CAMTA2: variants seen among roughly 807,000 people sequenced by gnomAD.
The protein encoded by CAMTA2 is calmodulin binding transcription activator 2, also known as calmodulin-binding transcription activator 2.
Under a neutral mutation model 135.7 loss-of-function variants are expected in CAMTA2, and 56 were observed. The observed-to-expected ratio is 0.41, with a 90% confidence interval of 0.33 to 0.52. The LOEUF is 0.52. Among genes scored for constraint, CAMTA2 ranks in the 20% least tolerant of loss-of-function variants. The pLI is 0.16. For synonymous variants in CAMTA2, 591 were observed against 604.6 expected (o/e 0.98, Z 0.33); for missense variants, 1,358 against 1,553.4 (o/e 0.87, Z 2.11).
chr17:4,985,224 AG>A (rs1973197720), intron 3 of CAMTA2, among the ~76,000 whole-genome samples: 1 of 152,200 alleles, frequency 6.6e-6, no homozygotes. Context: ...ATAAACTATG[AG>A]GTAAATCAGT....
chr17:4,974,331 C>G, intron 12 of CAMTA2, 54 bp downstream of exon 12: 1 of 1,130,372 alleles, frequency 8.8e-7, no homozygotes. Flanking sequence ...TTTTCTTTAG[C>G]TGTGTCCTCC....
chr17:4,971,555 G>C (rs1972285353), intron 16 of CAMTA2, among the ~76,000 whole-genome samples: 1 of 151,988 alleles, frequency 6.6e-6, no homozygotes, highest in South Asian at 2.1e-4. Context: ...ATGTTGGCCA[G>C]ACTGGTCTCA....
At chr17:4,979,528 AAG>A (rs1340577918) in intron 9 of CAMTA2, 154 bp downstream of exon 9, 10 of 455,440 alleles carry the variant, frequency 2.2e-5, no homozygotes, top group Admixed American at 7.9e-5. Context: ...AAAAAAAAAA[AAG>A]AGAGAGATTA....
intron 11 of CAMTA2, 93 bp downstream of exon 11, chr17:4,976,965 A>G: frequency 1.6e-6 from 2 of 1,246,068 alleles, no homozygotes; most frequent in Non-Finnish European, 2.2e-6. Flanking sequence ...GTGGGGGCTC[A>G]GTGATGGCCA....
Position 4,981,237 on chromosome 17 carries a change from T to G in CAMTA2, c.688A>C (p.Ser230Arg). Residue 230 changes from serine to arginine, a missense_variant, in exon 8 of 23, where the codon AGT becomes CGT. By Grantham distance (110) the Ser-to-Arg change is moderately radical (BLOSUM62 -1). This residue lies in a region of CAMTA2 where 1,077 missense variants were observed against 1,127.5 expected (regional missense o/e 0.96). Transcript: ENST00000348066. ...GGGAGTAACTTACCAAGCCCCCCAC[T>G]GCAGAGACAGGCGTGGGTTCGGGGA... is the stretch of plus-strand genomic sequence containing the variant. ...PAPRTHACLC[S>R]GGLGSGSLTH... 6.2e-7 allele frequency: 1 copy of G among 1,613,800 alleles called. No individual in the cohort carries two copies. The highest frequency in any genetic ancestry group is 8.5e-7 in the Non-Finnish European group (1 of 1,179,964).
In CAMTA2 at chr17:4,986,233, C is replaced by T; in HGVS notation, c.-11G>A. 1.2e-6 allele frequency: 2 copies of T among 1,608,924 alleles called. No homozygotes were observed. The highest frequency in any genetic ancestry group is 1.7e-6 in the Non-Finnish European group (2 of 1,175,626). The stretch of plus-strand genomic sequence containing the variant: ...GTCCTTGGTATTCATGGTGAGGGCT[C>T]CAGGGGGCAAGGTCACCCCCGGCCT... On this transcript the variant is annotated 5_prime_UTR_variant, in exon 2 of 23. Coordinates refer to ENST00000348066, the MANE Select transcript of CAMTA2 (RefSeq NM_015099.4).
In CAMTA2 at chr17:4,972,514, G is replaced by A. The variant is rs906185610; in HGVS notation, c.2526C>T (p.Pro842=). The stretch of plus-strand genomic sequence containing the variant: ...AAAAGGTGCCATCCGACAGCTCCGA[G>A]GGCGAGGAGACGCTGCTCAGACCTG... ...PDTGLSSVSS[P]SELSDGTFSV... The change falls in exon 16 of 23, where the codon CCC becomes CCT. Residue 842 remains proline, a synonymous_variant. Transcript: ENST00000348066. 1.9e-6 allele frequency: 3 copies of A among 1,607,922 alleles called. No homozygotes were observed. The highest frequency in any genetic ancestry group is 1.3e-5 in the African/African-American group (1 of 74,896).
chr17:4,973,731 C>A lies in CAMTA2; in HGVS notation c.2055G>T (p.Val685=). 6.2e-7 allele frequency: 1 copy of A among 1,613,410 alleles called. No individual in the cohort carries two copies. ...GQGPGFEARV[V]VLVESMIPRS... ...GTGGGATCATGCTTTCTACCAAGAC[C>A]ACTACCCGTGCTTCGAACCCAGGCC... is the stretch of plus-strand genomic sequence containing the variant. The change falls in exon 13 of 23, where the codon GTG becomes GTT. Residue 685 remains valine (V), a synonymous_variant. Transcript: ENST00000348066.
Position 4,982,866 on chromosome 17 carries a change from T to C in CAMTA2, c.230A>G (p.Tyr77Cys). The change falls in exon 5 of 23, where the codon TAC becomes TGC. Residue 77 changes from tyrosine (Y) to cysteine (C), a missense_variant. By Grantham distance (194) the Tyr-to-Cys change is radical. Transcript: ENST00000348066. ...TRPQNGSIIL[Y>C]NRKKVKYRKD... ...CCGATATTTCACCTTCTTGCGATTG[T>C]AGAGGATGATGGAGCCATTCTGAGG... The C allele has an allele frequency of 3.1e-6, 5 of 1,614,094 alleles. No homozygotes were observed. Among genetic ancestry groups the C allele is most frequent in the Non-Finnish European group, 4.2e-6 (5 of 1,180,000 alleles).
intron 1 of CAMTA2, chr17:4,986,879 CG>C: frequency 8.0e-7 from 1 of 1,248,930 alleles, no homozygotes; most frequent in Non-Finnish European, 1.1e-6. Flanking sequence ...ACCCACCCTC[CG>C]GCTGACAGCC....
chr17:4,973,991 C>G (rs1227505842), intron 12 of CAMTA2: 1 of 571,750 alleles, frequency 1.7e-6, no homozygotes, highest in Admixed American at 3.3e-5. Context: ...GCCCATGTGC[C>G]TTCCCATCAG....
At position 4,972,772 on chromosome 17, in the gene CAMTA2, T is replaced by C. The variant is rs746164096; in HGVS notation, c.2500A>G (p.Thr834Ala). Residue 834 changes from threonine (T) to alanine (A), a missense_variant, in exon 15 of 23, where the codon ACT (threonine) becomes GCT (alanine). Thr to Ala is a moderately conservative substitution (Grantham distance 58). This residue lies in a region of CAMTA2 where 1,077 missense variants were observed against 1,127.5 expected (regional missense o/e 0.96). Transcript: ENST00000348066. ...AAAAGATTAGGGCCACCCTCACCAG[T>C]GTCTGGGCTGGAGGAGGGTGGCGAT... Reference protein sequence around the residue: ...ALSPPSSSPDTGLSSVSSPSE... With the variant: ...ALSPPSSSPDAGLSSVSSPSE... The C allele has an allele frequency of 6.2e-7, 1 of 1,612,532 alleles. No individual in the cohort carries two copies. Among genetic ancestry groups the C allele is most frequent in the South Asian group, 1.1e-5 (1 of 91,032 alleles).
Position 4,969,863 on chromosome 17 carries a change from G to A in CAMTA2, c.3189+39C>T, listed in dbSNP as rs1041239806. ...CCTGGGAGCCCAGTCTCCCCTGACT[G>A]GAGATTGTGTAATTCATCCTGAGAC... On this transcript the variant is annotated intron_variant, in intron 18 of 22. Coordinates refer to ENST00000348066, the MANE Select transcript of CAMTA2 (RefSeq NM_015099.4). The surrounding 1 kb of genome is among the most constrained non-coding windows in gnomAD (Gnocchi z 5.6). 25 of 1,608,888 alleles carry A rather than the reference G, an allele frequency of 1.6e-5. No homozygotes were observed. Among genetic ancestry groups the A allele is most frequent in the Non-Finnish European group, 2.0e-5 (24 of 1,175,930 alleles).
In CAMTA2 at chr17:4,972,856, C is replaced by A. The variant is rs1241234331; in HGVS notation, c.2416G>T (p.Ala806Ser). The A allele has an allele frequency of 6.2e-7, 1 of 1,613,770 alleles. No homozygotes were observed. The highest frequency in any genetic ancestry group is 1.3e-5 in the African/African-American group (1 of 74,940). The change falls in exon 15 of 23, where the codon GCC becomes TCC. Residue 806 changes from alanine (A) to serine (S), a missense_variant. Transcript: ENST00000348066. ...VAHSRGHVRL[A>S]RCLEELQRQE... ...CTCTGTAGTTCCTCAAGGCAGCGGG[C>A]AAGGCGCACATGACCCCGGGAATGA... is the stretch of plus-strand genomic sequence containing the variant.
chr17:4,986,973 C>G, intron 1 of CAMTA2: 1 of 1,487,834 alleles, frequency 6.7e-7, no homozygotes, highest in Non-Finnish European at 8.9e-7. Context: ...CGCTCTGGCT[C>G]CAGCCTGAGC....
intron 16 of CAMTA2, among the ~76,000 whole-genome samples, chr17:4,971,241 A>T (rs1028128156): frequency 2.6e-5 from 4 of 151,964 alleles, no homozygotes; most frequent in African/African-American, 9.7e-5. Context: ...TGCCAGCCTT[A>T]CCTCTCCACA....
chr17:4,977,339 A>G (rs1972675996), intron 10 of CAMTA2, 147 bp from the exon 11 acceptor site: 1 of 930,558 alleles, frequency 1.1e-6, no homozygotes, highest in Non-Finnish European at 1.6e-6. Flanking sequence ...TGGCCTTGGC[A>G]CTAACTGGGA....
Position 4,968,680 on chromosome 17 carries a change from C to A in CAMTA2, c.*76G>T, listed in dbSNP as rs745379202. The A allele has an allele frequency of 1.3e-6, 2 of 1,553,814 alleles. No homozygotes were observed. Among genetic ancestry groups the A allele is most frequent in the Admixed American group, 3.4e-5 (2 of 59,428 alleles). On this transcript the variant is annotated 3_prime_UTR_variant, in exon 23 of 23. Coordinates refer to ENST00000348066, the MANE Select transcript of CAMTA2 (RefSeq NM_015099.4). ...CAGGAAAGCTGCCGACAGGGGCTCC[C>A]CCTGCCCCAGAAAGCCCTCTCCCTG...
rs180910221 is a variant in CAMTA2, at chr17:4,985,613, G to A, written c.135+267C>T. ...TGCTTTTTGTATTTTTAGTAGAGAC[G>A]GGGTTCCACCATGTTTGCCAGGCTG... is the stretch of plus-strand genomic sequence containing the variant. On this transcript the variant is annotated intron_variant, in intron 3 of 22. Transcript: ENST00000348066. Among the ~76,000 whole-genome samples, 316 of 152,022 alleles carry A rather than the reference G, an allele frequency of 2.1e-3. 2 individuals are homozygous for A. The highest frequency in any genetic ancestry group is 5.7e-3 in the African/African-American group (236 of 41,478).
Sources: gnomAD v4.1 joint callset for allele counts (sites outside exome capture counted in the v4.1 genomes callset) on GRCh38, gnomAD v4.1.1 for gene constraint, gnomAD v4.1.1 regional missense constraint, Gnocchi (gnomAD v3.1) non-coding constraint, MANE v1.5 for transcripts, NCBI Gene and HGNC (gene_info 2026-07-23, HGNC 2026-07-21) for gene names.